RBFOX1: variants seen among roughly 807,000 people sequenced by gnomAD.
RBFOX1 encodes RNA binding protein fox-1 homolog 1.
In RBFOX1, 8 loss-of-function variants were observed where a neutral mutation model predicts 57.7. That is an observed-to-expected ratio of 0.14 (90% CI 0.08 to 0.25). RBFOX1 has a LOEUF of 0.25. Among genes scored for constraint, RBFOX1 ranks in the 10% least tolerant of loss-of-function variants. RBFOX1 has a pLI of 1.00. For missense variants in RBFOX1, 611 were observed against 548.5 expected, an observed-to-expected ratio of 1.11 and a Z score of -1.14; for synonymous variants, 326 against 222.4, an observed-to-expected ratio of 1.47 and a Z score of -4.15.
chr16:7,213,871 G>A (rs925418652), intron 4 of RBFOX1, among the ~76,000 whole-genome samples: 3 of 152,158 alleles, frequency 2.0e-5, no homozygotes, highest in African/African-American at 4.8e-5. Flanking sequence ...TAGGGGGAAC[G>A]ACTCAAAGAC....
At chr16:7,044,858 C>T (rs1331410161) in intron 3 of RBFOX1, among the ~76,000 whole-genome samples, 1 of 152,138 alleles carries the variant, frequency 6.6e-6, no homozygotes, top group African/African-American at 2.4e-5. Flanking sequence ...TCCACCTCCC[C>T]TCTCCCCACC....
rs1312600559 is a variant in RBFOX1 at position 7,697,486 on chromosome 16, C to T, written c.996-11570C>T. ...TAGTAACTTACTGTCATTTATTGAG[C>T]AAATTATGTGTGCTAGTATGATATA... On this transcript the variant is annotated intron_variant, in intron 14 of 15. Transcript: ENST00000550418. Among the ~76,000 whole-genome samples the T allele has an allele frequency of 2.0e-5, 3 of 149,388 alleles. No individual in the cohort carries two copies. The East Asian group carries it at 5.9e-4, about 29-fold the overall frequency.
chr16:5,886,940 C>T (rs1555558350), intron 4 of RBFOX1, among the ~76,000 whole-genome samples: 1 of 152,156 alleles, frequency 6.6e-6, no homozygotes, highest in Non-Finnish European at 1.5e-5. Context: ...ACCAGTCATT[C>T]CCTTAGACCA....
intron 1 of RBFOX1, among the ~76,000 whole-genome samples, chr16:5,277,456 AAG>A (rs1491114017): frequency 9.2e-6 from 1 of 108,306 alleles, no homozygotes; most frequent in East Asian, 2.4e-4. Flanking sequence ...AAATAAAAAA[AAG>A]AAATATACAA....
intron 2 of RBFOX1, among the ~76,000 whole-genome samples, chr16:5,572,863 G>T (rs559830655): frequency 1.3e-5 from 2 of 152,170 alleles, no homozygotes; most frequent in East Asian, 1.9e-4. Flanking sequence ...CAAAGGCAAA[G>T]GTACTCAGGG....
At chr16:7,660,123 G>A (rs963644091) in intron 12 of RBFOX1, among the ~76,000 whole-genome samples, 4 of 152,124 alleles carry the variant, frequency 2.6e-5, no homozygotes, top group Non-Finnish European at 5.9e-5. Flanking sequence ...CGAGCAGATT[G>A]TATAGTTTGG....
At chr16:6,002,933 G>T (rs1466261643) in intron 4 of RBFOX1, among the ~76,000 whole-genome samples, 1 of 152,128 alleles carries the variant, frequency 6.6e-6, no homozygotes, top group Admixed American at 6.5e-5. Flanking sequence ...TCATCAACAA[G>T]GTTGTAGATC....
At chr16:6,252,132 T>A (rs1367653776) in intron 1 of RBFOX1, among the ~76,000 whole-genome samples, 1 of 152,036 alleles carries the variant, frequency 6.6e-6, no homozygotes, top group African/African-American at 2.4e-5. Flanking sequence ...GTCCTCCACA[T>A]GGGGAAGAGA....
In RBFOX1 at chr16:5,593,664, G is replaced by T. The variant is rs541487047; in HGVS notation, c.259-5238G>T. Among the ~76,000 whole-genome samples, 14 of 152,230 alleles carry T rather than the reference G, an allele frequency of 9.2e-5. No homozygotes were observed. The East Asian group carries it at 2.5e-3, about 27-fold the overall frequency. Reference sequence around the variant, plus strand: ...CGATGTCAGGAAGTTACCGTATATGGTCTGAAAAGAAGAGGCATGAATAAT... The same window carrying T: ...CGATGTCAGGAAGTTACCGTATATGTTCTGAAAAGAAGAGGCATGAATAAT... On this transcript the variant is annotated intron_variant, in intron 2 of 2. Coordinates refer to the RBFOX1 transcript ENST00000585867.
At chr16:6,868,201 G>C (rs575812618) in intron 3 of RBFOX1, among the ~76,000 whole-genome samples, 3 of 152,006 alleles carry the variant, frequency 2.0e-5, no homozygotes, top group Non-Finnish European at 4.4e-5. Context: ...ACATGTTACA[G>C]CCTCCAAGTC....
intron 1 of RBFOX1, among the ~76,000 whole-genome samples, chr16:5,350,686 T>C (rs2065243202): frequency 2.6e-5 from 4 of 152,136 alleles, no homozygotes; most frequent in Admixed American, 2.6e-4. Context: ...GCCAACATGG[T>C]GAAACCCCGT....
At chr16:5,350,693 C>G (rs1224375091) in intron 1 of RBFOX1, among the ~76,000 whole-genome samples, 1 of 152,096 alleles carries the variant, frequency 6.6e-6, no homozygotes, top group Non-Finnish European at 1.5e-5. Context: ...TGGTGAAACC[C>G]CGTCTCTAGT....
intron 2 of RBFOX1, among the ~76,000 whole-genome samples, chr16:6,519,614 T>G (rs1347405966): frequency 2.0e-5 from 3 of 152,230 alleles, no homozygotes; most frequent in Middle Eastern, 3.4e-3. Flanking sequence ...GGCCAGAGAA[T>G]TGCTTGAACC....
At chr16:7,322,193 A>T (rs1466344697) in intron 4 of RBFOX1, among the ~76,000 whole-genome samples, 1 of 152,222 alleles carries the variant, frequency 6.6e-6, no homozygotes. Context: ...CTGTTCTGAG[A>T]TGACTGCTAG....
chr16:5,473,876 G>T (rs2069226336), intron 2 of RBFOX1, among the ~76,000 whole-genome samples: 1 of 137,116 alleles, frequency 7.3e-6, no homozygotes, highest in South Asian at 2.6e-4. Context: ...TGGAAAGACA[G>T]ATGTAAGGGG....
At chr16:7,435,591 G>T (rs916302949) in intron 4 of RBFOX1, among the ~76,000 whole-genome samples, 1 of 152,184 alleles carries the variant, frequency 6.6e-6, no homozygotes. Flanking sequence ...AGCAGGACCT[G>T]GGTAAAGGAC....
At chr16:5,708,970 C>A (rs1038761553) in intron 3 of RBFOX1, among the ~76,000 whole-genome samples, 1 of 152,164 alleles carries the variant, frequency 6.6e-6, no homozygotes, top group African/African-American at 2.4e-5. Flanking sequence ...AGAACACGGG[C>A]CATGGCAGTG....
intron 2 of RBFOX1, among the ~76,000 whole-genome samples, chr16:6,555,361 G>A (rs1360718887): frequency 6.6e-6 from 1 of 152,060 alleles, no homozygotes; most frequent in Non-Finnish European, 1.5e-5. Context: ...TGAAATATGG[G>A]TTTGACCACA....
intron 2 of RBFOX1, among the ~76,000 whole-genome samples, chr16:6,376,281 G>C (rs2091161343): frequency 7.1e-6 from 1 of 141,716 alleles, no homozygotes; most frequent in Non-Finnish European, 1.6e-5. Context: ...TGTTGTGTTG[G>C]GTTTTGTTTG....
Sources: gnomAD v4.1 joint callset for allele counts (sites outside exome capture counted in the v4.1 genomes callset) on GRCh38, gnomAD v4.1.1 for gene constraint, MANE v1.5 for transcripts, NCBI Gene and HGNC (gene_info 2026-07-23, HGNC 2026-07-21) for gene names.